The following DGKB variants were observed in gnomAD, a reference collection of about 807,000 sequenced individuals.
The protein encoded by DGKB is diacylglycerol kinase beta.
In DGKB, 67 loss-of-function variants were observed where a neutral mutation model predicts 114.3. That is an observed-to-expected ratio of 0.59 (90% CI 0.48 to 0.72). The LOEUF is 0.72. DGKB is among the 30% of genes least tolerant of loss of function. The probability of loss-of-function intolerance (pLI) is 0.00; values close to 1 mark genes in which losing one functional copy is unlikely to be tolerated. For synonymous variants in DGKB, 398 were observed against 323.1 expected (o/e 1.23, Z -2.49); for missense variants, 907 against 975.2 (o/e 0.93, Z 0.93).
chr7:14,459,621 G>C (rs903520592), intron 21 of DGKB, among the ~76,000 whole-genome samples: 1 of 152,130 alleles, frequency 6.6e-6, no homozygotes, highest in Non-Finnish European at 1.5e-5. Flanking sequence ...CCAAACCTAC[G>C]TTTGAATGGT....
chr7:14,901,471 C>T (rs547774224), intron 1 of DGKB, among the ~76,000 whole-genome samples: 3 of 152,240 alleles, frequency 2.0e-5, no homozygotes, highest in African/African-American at 7.2e-5. Flanking sequence ...ATCTTACATT[C>T]TCTTTTAGGT....
At chr7:14,852,487 C>CAAAAAAACAAAAAAAAACAA (rs1554304213) in intron 1 of DGKB, among the ~76,000 whole-genome samples, 1 of 63,636 alleles carries the variant, frequency 1.6e-5, no homozygotes, top group Non-Finnish European at 3.0e-5. Flanking sequence ...TAGTGAAAGT[C>CAAAAAAACAAAAAAAAACAA]AAAAAAAAAA....
intron 2 of DGKB, among the ~76,000 whole-genome samples, chr7:14,791,782 G>C (rs1840698386): frequency 6.6e-6 from 1 of 152,092 alleles, no homozygotes; most frequent in South Asian, 2.1e-4. Flanking sequence ...ACCATAATTG[G>C]ACATGACGTA....
chr7:14,593,706 G>T (rs1802063740), intron 17 of DGKB, among the ~76,000 whole-genome samples: 1 of 151,526 alleles, frequency 6.6e-6, no homozygotes, highest in Non-Finnish European at 1.5e-5. Context: ...ATTATGAGTG[G>T]TCATTATTTT....
At chr7:14,625,920 G>T (rs1808486709) in intron 14 of DGKB, among the ~76,000 whole-genome samples, 2 of 152,110 alleles carry the variant, frequency 1.3e-5, no homozygotes, top group African/African-American at 4.8e-5. Context: ...AGTGTTTTGT[G>T]ATCCGTAGAC....
chr7:14,846,158 G>T (rs1403163604), intron 1 of DGKB, among the ~76,000 whole-genome samples: 1 of 152,174 alleles, frequency 6.6e-6, no homozygotes, highest in Non-Finnish European at 1.5e-5. Context: ...ATTTTGACAA[G>T]TGATATTTAC....
intron 1 of DGKB, among the ~76,000 whole-genome samples, chr7:14,871,421 A>C (rs943963259): frequency 3.9e-5 from 6 of 152,176 alleles, no homozygotes; most frequent in Non-Finnish European, 7.3e-5. Flanking sequence ...CTGGTCAAAG[A>C]GTAAATAGTC....
chr7:14,731,449 T>TA (rs1487002391), intron 5 of DGKB, among the ~76,000 whole-genome samples: 1 of 152,134 alleles, frequency 6.6e-6, no homozygotes, highest in African/African-American at 2.4e-5. Flanking sequence ...TTAAAAAGTT[T>TA]AAAAAATCAA....
intron 20 of DGKB, among the ~76,000 whole-genome samples, chr7:14,493,450 G>A (rs942578590): frequency 3.9e-5 from 6 of 152,038 alleles, no homozygotes; most frequent in African/African-American, 7.2e-5. Flanking sequence ...TAAAAGTTAC[G>A]TGAATGTGGT....
chr7:14,543,839 C>T (rs1281731897), intron 20 of DGKB, among the ~76,000 whole-genome samples: 1 of 152,088 alleles, frequency 6.6e-6, no homozygotes, highest in Non-Finnish European at 1.5e-5. Flanking sequence ...TTTCCAGACA[C>T]CTGCATACAC....
At chr7:14,629,450 T>A (rs905186064) in intron 14 of DGKB, among the ~76,000 whole-genome samples, 7 of 152,036 alleles carry the variant, frequency 4.6e-5, no homozygotes, top group Non-Finnish European at 1.0e-4. Context: ...TTATGACACT[T>A]TTTTACAAAC....
intron 23 of DGKB, among the ~76,000 whole-genome samples, chr7:14,218,117 ACACT>A (rs1428977599): frequency 6.6e-6 from 1 of 152,142 alleles, no homozygotes; most frequent in African/African-American, 2.4e-5. Context: ...CGTGTTCATA[ACACT>A]TAAGCCTTCA....
chr7:14,180,952 A>G (rs905733305), intron 23 of DGKB, among the ~76,000 whole-genome samples: 4 of 152,214 alleles, frequency 2.6e-5, no homozygotes, highest in African/African-American at 7.2e-5. Flanking sequence ...TGCTGGCTTC[A>G]TATTTAAGAG....
In DGKB at chr7:14,951,333, T is replaced by A. The variant is rs1435381769; in HGVS notation, c.-188+23363A>T. 4.0e-5 allele frequency among the ~76,000 whole-genome samples: 6 copies of A among 151,788 alleles called. No individual in the cohort carries two copies. The East Asian group carries it at 9.7e-4, about 25-fold the overall frequency. On this transcript the variant is annotated intron_variant, in intron 1 of 4. Coordinates refer to the DGKB transcript ENST00000437998. ...GGTGAACGGATAAACACACTGGCAA[T>A]AGGAATGGACAAAGCCACATAAAGA...
Position 14,458,016 on chromosome 7 carries a change from G to C in DGKB, c.1835+20145C>G, listed in dbSNP as rs148246765. On this transcript the variant is annotated intron_variant, in intron 21 of 25. Transcript: ENST00000402815. ...GGCAAGGCTGAGTGCATGTGGGCTAGCGCCCTCTGCTGGTTAGATTCTTCA... is the reference window on the plus strand; with the variant it reads ...GGCAAGGCTGAGTGCATGTGGGCTACCGCCCTCTGCTGGTTAGATTCTTCA... Among the ~76,000 whole-genome samples the C allele has an allele frequency of 5.2e-4, 79 of 152,276 alleles. 2 individuals carry two copies. The East Asian group carries it at 0.015, about 29-fold the overall frequency.
intron 17 of DGKB, among the ~76,000 whole-genome samples, chr7:14,586,671 G>A (rs757985130): frequency 1.7e-4 from 26 of 152,164 alleles, no homozygotes; most frequent in African/African-American, 6.0e-4. Flanking sequence ...GGCTAATGAG[G>A]CTGATGACTT....
chr7:14,400,678 T>C (rs1308499886), intron 21 of DGKB, among the ~76,000 whole-genome samples: 1 of 151,388 alleles, frequency 6.6e-6, no homozygotes, highest in Non-Finnish European at 1.5e-5. Context: ...TTTCCTTTGA[T>C]TTGAGTTCAA....
intron 17 of DGKB, among the ~76,000 whole-genome samples, chr7:14,586,073 A>T (rs527826372): frequency 6.6e-6 from 1 of 152,168 alleles, no homozygotes; most frequent in African/African-American, 2.4e-5. Context: ...TTCTCTTTCA[A>T]TCAAAAGCTA....
chr7:14,312,681 C>A (rs1417317051), intron 23 of DGKB, among the ~76,000 whole-genome samples: 40 of 152,154 alleles, frequency 2.6e-4, no homozygotes, highest in Admixed American at 2.6e-3. Flanking sequence ...GTTCATGGAA[C>A]ACCTTCAAAG....
Sources: gnomAD v4.1 joint callset for allele counts (sites outside exome capture counted in the v4.1 genomes callset) on GRCh38, gnomAD v4.1.1 for gene constraint, MANE v1.5 for transcripts, NCBI Gene and HGNC (gene_info 2026-07-23, HGNC 2026-07-21) for gene names.